Variants in KCNIP1 observed in about 807,000 individuals in gnomAD.
KCNIP1 encodes potassium voltage-gated channel interacting protein 1.
In KCNIP1, 18 loss-of-function variants were observed where a neutral mutation model predicts 33.0. The observed-to-expected ratio is 0.55, with a 90% confidence interval of 0.38 to 0.81. The LOEUF (loss-of-function observed/expected upper bound fraction) is 0.81. KCNIP1 is among the 30% of genes least tolerant of loss of function. The probability of loss-of-function intolerance (pLI) is 0.00; values close to 1 mark genes in which losing one functional copy is unlikely to be tolerated. For missense variants in KCNIP1, 238 were observed against 271.6 expected (o/e 0.88, Z 0.87); for synonymous variants, 93 against 98.3 (o/e 0.95, Z 0.32).
chr5:170,363,230 A>G (rs1763563527), intron 1 of KCNIP1, among the ~76,000 whole-genome samples: 2 of 152,330 alleles, frequency 1.3e-5, no homozygotes, highest in South Asian at 2.1e-4. Flanking sequence ...TGCAAACACT[A>G]ATGTTCCTTT....
At chr5:170,468,103 T>C (rs1756647514) in intron 1 of KCNIP1, among the ~76,000 whole-genome samples, 1 of 152,150 alleles carries the variant, frequency 6.6e-6, no homozygotes, top group African/African-American at 2.4e-5. Context: ...AACGGAGCAA[T>C]TGACTTTGAC....
chr5:170,579,593 A>G (rs1757720576), intron 1 of KCNIP1, among the ~76,000 whole-genome samples: 1 of 152,198 alleles, frequency 6.6e-6, no homozygotes, highest in Non-Finnish European at 1.5e-5. Context: ...ATGGAAAGCC[A>G]TGAGTTAATG....
intron 1 of KCNIP1, among the ~76,000 whole-genome samples, chr5:170,474,613 T>C (rs1465288546): frequency 6.6e-6 from 1 of 152,160 alleles, no homozygotes; most frequent in Non-Finnish European, 1.5e-5. Context: ...CTGATTCCCA[T>C]AGACTCCTCT....
chr5:170,608,691 G>A (rs1036318590), intron 1 of KCNIP1, among the ~76,000 whole-genome samples: 2 of 151,896 alleles, frequency 1.3e-5, no homozygotes, highest in Non-Finnish European at 2.9e-5. Context: ...AGAATCGCTT[G>A]AACCCGGGAG....
Position 170,445,697 on chromosome 5 carries a change from G to A in KCNIP1, c.88+91733G>A, listed in dbSNP as rs536501329. Reference sequence around the variant, plus strand: ...TCACAGGCACATAGTCAGCCTTCCCGAATTTCATCCGGCAACAATTAACCT... The same window carrying A: ...TCACAGGCACATAGTCAGCCTTCCCAAATTTCATCCGGCAACAATTAACCT... On this transcript the variant is annotated intron_variant, in intron 1 of 7. Transcript: ENST00000377360. 1.4e-4 allele frequency among the ~76,000 whole-genome samples: 22 copies of A among 152,222 alleles called. 1 individual carries two copies. The highest frequency in any genetic ancestry group is 9.2e-4 in the Admixed American group (14 of 15,288).
chr5:170,456,022 A>C (rs2202428), intron 1 of KCNIP1, among the ~76,000 whole-genome samples: 91,642 of 152,042 alleles, frequency 0.6, 27,644 homozygotes, highest in South Asian at 0.69. Context: ...ATATTTATTG[A>C]GGCACTATTT....
intron 1 of KCNIP1, among the ~76,000 whole-genome samples, chr5:170,710,704 C>T (rs970283852): frequency 6.6e-6 from 1 of 152,152 alleles, no homozygotes; most frequent in African/African-American, 2.4e-5. Flanking sequence ...CCTTTTTATC[C>T]AGTTGTTCTC....
chr5:170,485,331 G>T (rs1317725068), intron 1 of KCNIP1, among the ~76,000 whole-genome samples: 1 of 152,202 alleles, frequency 6.6e-6, no homozygotes, highest in Non-Finnish European at 1.5e-5. Flanking sequence ...CCCTCCCTCA[G>T]CTGGATTTCT....
chr5:170,378,755 G>T, intron 1 of KCNIP1: 1 of 1,614,178 alleles, frequency 6.2e-7, no homozygotes, highest in South Asian at 1.1e-5. Context: ...TCACCATGGC[G>T]ATAATGAGGA....
intron 1 of KCNIP1, among the ~76,000 whole-genome samples, chr5:170,398,893 A>T (rs1581153555): frequency 6.6e-6 from 1 of 152,180 alleles, no homozygotes; most frequent in South Asian, 2.1e-4. Context: ...TTGTTGCTGG[A>T]AAAGAGGGTC....
intron 1 of KCNIP1, among the ~76,000 whole-genome samples, chr5:170,673,392 C>T (rs183078024): frequency 6.6e-6 from 1 of 152,320 alleles, no homozygotes; most frequent in Non-Finnish European, 1.5e-5. Context: ...ACCATGACAG[C>T]TAATATTTAT....
chr5:170,525,527 C>A lies in KCNIP1; in HGVS notation c.61+20894C>A, dbSNP rs368580692. Among the ~76,000 whole-genome samples the A allele has an allele frequency of 1.6e-4, 24 of 152,364 alleles. 1 individual carries two copies. The South Asian group carries it at 5.0e-3, about 32-fold the overall frequency. The stretch of plus-strand genomic sequence containing the variant: ...CCCTTTGCCTTCCCTCCCTAGAATG[C>A]AGAGGAAGGAAGACCTCTGTGAGAA... On this transcript the variant is annotated intron_variant, in intron 1 of 7. Coordinates refer to ENST00000328939, the MANE Select transcript of KCNIP1 (RefSeq NM_014592.4).
At chr5:170,436,436 G>T (rs1051411597) in intron 1 of KCNIP1, among the ~76,000 whole-genome samples, 2 of 152,198 alleles carry the variant, frequency 1.3e-5, no homozygotes, top group Non-Finnish European at 2.9e-5. Context: ...CAGCTGCCAG[G>T]ACTGAGGCCA....
intron 5 of KCNIP1, among the ~76,000 whole-genome samples, chr5:170,729,728 G>A (rs1363710): frequency 6.6e-6 from 1 of 151,964 alleles, no homozygotes; most frequent in South Asian, 2.1e-4. Context: ...TAAAGTCTTT[G>A]TTGAAGGTTG....
intron 1 of KCNIP1, among the ~76,000 whole-genome samples, chr5:170,627,019 C>T (rs902270689): frequency 6.6e-5 from 10 of 152,134 alleles, no homozygotes; most frequent in South Asian, 4.1e-4. Flanking sequence ...GTGCCTGCAG[C>T]GGTAGCCCTG....
intron 1 of KCNIP1, among the ~76,000 whole-genome samples, chr5:170,653,751 A>G (rs1003314819): frequency 7.3e-5 from 11 of 151,500 alleles, no homozygotes; most frequent in African/African-American, 2.2e-4. Flanking sequence ...TCCAATATCC[A>G]TGGCAGAATG....
In KCNIP1 at chr5:170,630,489, G is replaced by A. The variant is rs528161337; in HGVS notation, c.62-88269G>A. ...CGTACAGATGAGTAGGGGGTCGAGT[G>A]TGTCGTTATGTCGCTGGAGCCCAGA... On this transcript the variant is annotated intron_variant, in intron 1 of 7. Transcript: ENST00000328939. Among the ~76,000 whole-genome samples the A allele has an allele frequency of 2.2e-4, 34 of 152,354 alleles. No homozygotes were observed. The South Asian group carries it at 5.4e-3, about 24-fold the overall frequency.
At chr5:170,588,416 C>T (rs997554111) in intron 1 of KCNIP1, among the ~76,000 whole-genome samples, 1 of 152,202 alleles carries the variant, frequency 6.6e-6, no homozygotes, top group African/African-American at 2.4e-5. Flanking sequence ...CTCAAGGGAA[C>T]TTCCTATTTC....
intron 1 of KCNIP1, among the ~76,000 whole-genome samples, chr5:170,702,235 A>G (rs1297600470): frequency 6.6e-6 from 1 of 152,144 alleles, no homozygotes; most frequent in Admixed American, 6.5e-5. Flanking sequence ...TATTTGTCGA[A>G]TGAGTTAATA....
Sources: gnomAD v4.1 joint callset for allele counts (sites outside exome capture counted in the v4.1 genomes callset) on GRCh38, gnomAD v4.1.1 for gene constraint, MANE v1.5 for transcripts, NCBI Gene and HGNC (gene_info 2026-07-23, HGNC 2026-07-21) for gene names.